Variants in CASK observed in about 807,000 individuals in gnomAD.
CASK encodes the protein peripheral plasma membrane protein CASK.
CASK carries 4 observed loss-of-function variants against 82.9 expected under a neutral mutation model. The observed-to-expected ratio is 0.05, with a 90% confidence interval of 0.02 to 0.11. CASK has a LOEUF of 0.11. CASK is among the 10% of genes least tolerant of loss of function. The pLI, the probability that CASK is intolerant of heterozygous loss-of-function variation, is 1.00. For synonymous variants in CASK, 259 were observed against 253.5 expected (o/e 1.02, Z -0.20); for missense variants, 358 against 720.9 (o/e 0.50, Z 5.76).
At chrX:41,727,698 T>C (rs140004648) in intron 5 of CASK, 1 of 1,199,418 alleles carries the variant, frequency 8.3e-7, no homozygotes, top group Non-Finnish European at 1.1e-6. Context: ...ACTACTCTTT[T>C]GTAAGCCATC....
intron 3 of CASK, among the ~76,000 whole-genome samples, chrX:41,759,534 T>C (rs1371208126): frequency 9.0e-6 from 1 of 111,408 alleles, no homozygotes; most frequent in Non-Finnish European, 1.9e-5. Context: ...TGGGATTTTT[T>C]CCCCTATCAA....
intron 12 of CASK, among the ~76,000 whole-genome samples, chrX:41,597,499 C>T (rs922255248): frequency 2.7e-5 from 3 of 112,298 alleles, no homozygotes; most frequent in African/African-American, 9.7e-5. Flanking sequence ...ACAGTGTGCA[C>T]GGAATTACAC....
Position 41,592,088 on chromosome X carries a change from A to C in CASK, c.1156-2496T>G, listed in dbSNP as rs185900905. On this transcript the variant is annotated intron_variant, in intron 12 of 26. Coordinates refer to ENST00000378163, the MANE Select transcript of CASK (RefSeq NM_001367721.1). ...CAGCATGGCAAAACCCTGTCTCTGCAAAAGAAATACAAAAATTAGCCAGGC... is the reference window on the plus strand; with the variant it reads ...CAGCATGGCAAAACCCTGTCTCTGCCAAAGAAATACAAAAATTAGCCAGGC... Among the ~76,000 whole-genome samples the C allele has an allele frequency of 1.4e-3, 149 of 109,768 alleles. 2 individuals are homozygous for C. The highest frequency in any genetic ancestry group is 4.8e-3 in the African/African-American group (145 of 30,175).
In CASK at chrX:41,515,011, T is replaced by C. The variant is rs2064522792; in HGVS notation, c.*5409A>G. 8.9e-6 allele frequency: 1 copy of C among 112,643 alleles called. No homozygotes were observed. The highest frequency in any genetic ancestry group is 1.9e-5 in the Non-Finnish European group (1 of 53,325). The allele number at this position is 112,643 out of a possible 1,213,427, so 9.3% of individuals were successfully genotyped here. ...AAAGCCCAATTCTATGGTTTCCCAT[T>C]ACACAGCATCCTACAGGTATGTATA... On this transcript the variant is annotated 3_prime_UTR_variant, in exon 27 of 27. Transcript: ENST00000378163.
At chrX:41,840,193 T>C (rs2071006124) in intron 2 of CASK, among the ~76,000 whole-genome samples, 1 of 112,129 alleles carries the variant, frequency 8.9e-6, no homozygotes, top group Non-Finnish European at 1.9e-5. Flanking sequence ...CTTAACAACA[T>C]TGAGTCTTCT....
intron 2 of CASK, among the ~76,000 whole-genome samples, chrX:41,825,075 T>C (rs372462442): frequency 6.3e-5 from 7 of 111,594 alleles, no homozygotes; most frequent in African/African-American, 2.0e-4. Flanking sequence ...ACTGCAAGAG[T>C]ATTTTTGGGT....
intron 3 of CASK, among the ~76,000 whole-genome samples, chrX:41,752,436 G>A (rs750203577): frequency 9.1e-6 from 1 of 109,859 alleles, no homozygotes; most frequent in Non-Finnish European, 1.9e-5. Context: ...GATTACAGGC[G>A]CACACCTCAC....
rs2064600288 is a variant in CASK, at chrX:41,519,070, T to C, written c.*1350A>G. On this transcript the variant is annotated 3_prime_UTR_variant, in exon 27 of 27. Coordinates refer to ENST00000378163, the MANE Select transcript of CASK (RefSeq NM_001367721.1). Reference sequence around the variant, plus strand: ...TCCAGCTGTGCTCTGGCAGGCTACTTTGTCACCCTGCCAACTGATACTCAC... The same window carrying C: ...TCCAGCTGTGCTCTGGCAGGCTACTCTGTCACCCTGCCAACTGATACTCAC... 1 of 111,323 alleles carries C rather than the reference T, an allele frequency of 9.0e-6. No homozygotes were observed. The highest frequency in any genetic ancestry group is 9.6e-5 in the Admixed American group (1 of 10,429). 9.2% of individuals were successfully genotyped at this position (111,323 alleles called of 1,213,427 possible). A position where few individuals can be genotyped will look rare whatever the true frequency, so the allele number is the denominator to read the frequency against.
At position 41,917,036 on chromosome X, in the gene CASK, C is replaced by G. The variant is rs182501367; in HGVS notation, c.59+5894G>C. Among the ~76,000 whole-genome samples, 317 of 112,212 alleles carry G rather than the reference C, an allele frequency of 2.8e-3. 1 individual carries two copies. Among genetic ancestry groups the G allele is most frequent in the African/African-American group, 9.5e-3 (294 of 30,927 alleles). On this transcript the variant is annotated intron_variant, in intron 1 of 26. Transcript: ENST00000378163. ...ATGAAAGAATGAATAGTATATGGAA[C>G]CTCTACTGAAGAAATAAGAAATTTA...
intron 10 of CASK, among the ~76,000 whole-genome samples, chrX:41,623,805 C>T (rs933277126): frequency 9.9e-5 from 11 of 111,539 alleles, no homozygotes; most frequent in Non-Finnish European, 2.1e-4. Flanking sequence ...ACCTCTTGGG[C>T]TCAAGTGATC....
chrX:41,627,268 T>G (rs1355049208), intron 9 of CASK, among the ~76,000 whole-genome samples: 1 of 112,123 alleles, frequency 8.9e-6, no homozygotes, highest in East Asian at 2.8e-4. Flanking sequence ...CAGAATCAAC[T>G]ACATATGACT....
intron 16 of CASK, among the ~76,000 whole-genome samples, chrX:41,563,103 A>G (rs1243035821): frequency 9.6e-6 from 1 of 104,428 alleles, no homozygotes; most frequent in Non-Finnish European, 2.0e-5. Context: ...GCTCATGTCT[A>G]TAACCTCAGT....
intron 1 of CASK, among the ~76,000 whole-genome samples, chrX:41,904,039 G>A (rs751387977): frequency 9.0e-6 from 1 of 111,130 alleles, no homozygotes; most frequent in African/African-American, 3.3e-5. Flanking sequence ...AGTAGTCACT[G>A]CCCACACTCT....
At chrX:41,894,597 T>TA (rs1209248352) in intron 1 of CASK, among the ~76,000 whole-genome samples, 6,486 of 40,346 alleles carry the variant, frequency 0.16, 612 homozygotes, top group Non-Finnish European at 0.23. Flanking sequence ...ACCCAAATAT[T>TA]AAAAAAAAAA....
Position 41,542,424 on chromosome X carries a change from T to C in CASK, c.2155+267A>G, listed in dbSNP as rs140283330. On this transcript the variant is annotated intron_variant, in intron 22 of 26. Coordinates refer to ENST00000378163, the MANE Select transcript of CASK (RefSeq NM_001367721.1). Reference sequence around the variant, plus strand: ...AAGCTTTCATTTCTCAGGGGAGGACTTAACGTGTTGGATTCTTTTCATTCC... The same window carrying C: ...AAGCTTTCATTTCTCAGGGGAGGACCTAACGTGTTGGATTCTTTTCATTCC... Among the ~76,000 whole-genome samples, 509 of 113,248 alleles carry C rather than the reference T, an allele frequency of 4.5e-3. 4 individuals are homozygous for C. Among genetic ancestry groups the C allele is most frequent in the African/African-American group, 0.016 (487 of 31,277 alleles).
intron 2 of CASK, among the ~76,000 whole-genome samples, chrX:41,826,209 T>G (rs368101040): frequency 8.9e-6 from 1 of 112,241 alleles, no homozygotes; most frequent in African/African-American, 3.2e-5. Context: ...AGGTGGGATC[T>G]ACATCCTTTC....
chrX:41,660,973 G>A (rs2067022824), intron 7 of CASK, among the ~76,000 whole-genome samples: 1 of 111,909 alleles, frequency 8.9e-6, no homozygotes, highest in African/African-American at 3.2e-5. Flanking sequence ...CAATAATTGT[G>A]AACTGTGCAA....
At chrX:41,881,652 C>T (rs1217104301) in intron 1 of CASK, among the ~76,000 whole-genome samples, 2 of 111,735 alleles carry the variant, frequency 1.8e-5, no homozygotes, top group African/African-American at 6.5e-5. Flanking sequence ...TTTTAGTTCA[C>T]TACTTCAAAA....
chrX:41,831,656 G>GA (rs2070817220), intron 2 of CASK, among the ~76,000 whole-genome samples: 1 of 112,276 alleles, frequency 8.9e-6, no homozygotes, highest in Non-Finnish European at 1.9e-5. Context: ...AAACAATTGA[G>GA]ATATTATAAA....
Sources: gnomAD v4.1 joint callset for allele counts (sites outside exome capture counted in the v4.1 genomes callset) on GRCh38, gnomAD v4.1.1 for gene constraint, MANE v1.5 for transcripts, NCBI Gene and HGNC (gene_info 2026-07-23, HGNC 2026-07-21) for gene names.